PAPPA2: variants seen among roughly 807,000 people sequenced by gnomAD.
The protein encoded by PAPPA2 is pappalysin 2, also known as pappalysin-2.
A neutral mutation model predicts 176.4 loss-of-function variants in PAPPA2; 86 were observed. The observed-to-expected ratio is 0.49, with a 90% CI of 0.41 to 0.58. The LOEUF is 0.58. Among genes scored for constraint, PAPPA2 ranks in the 20% least tolerant of loss-of-function variants. The pLI is 0.00. For missense variants in PAPPA2, 2,073 were observed against 2,256.9 expected, an observed-to-expected ratio of 0.92 and a Z score of 1.65; for synonymous variants, 809 against 852.2, an observed-to-expected ratio of 0.95 and a Z score of 0.88.
chr1:176,834,324 A>G (rs1383542679), intron 21 of PAPPA2, among the ~76,000 whole-genome samples: 1 of 152,204 alleles, frequency 6.6e-6, no homozygotes, highest in Non-Finnish European at 1.5e-5. Flanking sequence ...CCATCTTGAT[A>G]TCTATCTATT....
chr1:176,768,391 A>G (rs185812159), intron 15 of PAPPA2, among the ~76,000 whole-genome samples: 5 of 152,206 alleles, frequency 3.3e-5, no homozygotes, highest in Non-Finnish European at 5.9e-5. Flanking sequence ...AGCATGCATT[A>G]TACAATATGG....
chr1:176,568,289 AT>A (rs751271982), intron 2 of PAPPA2, among the ~76,000 whole-genome samples: 1 of 152,248 alleles, frequency 6.6e-6, no homozygotes, highest in African/African-American at 2.4e-5. Flanking sequence ...CTCTAAAAAA[AT>A]CTATTGCATA....
At chr1:176,617,587 T>C (rs1655339549) in intron 3 of PAPPA2, among the ~76,000 whole-genome samples, 1 of 152,136 alleles carries the variant, frequency 6.6e-6, no homozygotes. Context: ...TAACTCCACC[T>C]AGGTTGCTGT....
At chr1:176,541,196 A>G (rs893431862) in intron 1 of PAPPA2, among the ~76,000 whole-genome samples, 11 of 152,214 alleles carry the variant, frequency 7.2e-5, no homozygotes, top group African/African-American at 2.7e-4. Context: ...TCTAACCACT[A>G]TTGAGGAGCA....
At chr1:176,772,850 C>CT (rs547059116) in intron 17 of PAPPA2, among the ~76,000 whole-genome samples, 273 of 152,240 alleles carry the variant, frequency 1.8e-3, no homozygotes, top group Middle Eastern at 3.4e-3. Flanking sequence ...TGTTTTCTTG[C>CT]TTTTTTTCTC....
intron 2 of PAPPA2, among the ~76,000 whole-genome samples, chr1:176,579,801 T>C (rs997098217): frequency 3.3e-5 from 5 of 152,208 alleles, no homozygotes; most frequent in Admixed American, 1.3e-4. Context: ...ATTCTCAGTT[T>C]TTTGGTCTGA....
intron 3 of PAPPA2, among the ~76,000 whole-genome samples, chr1:176,643,713 A>T (rs966965687): frequency 3.3e-5 from 5 of 151,872 alleles, no homozygotes; most frequent in African/African-American, 1.2e-4. Context: ...ACACAGGGAG[A>T]CCACAAAAGA....
intron 2 of PAPPA2, among the ~76,000 whole-genome samples, chr1:176,584,394 C>G (rs1165400749): frequency 6.7e-6 from 1 of 148,580 alleles, no homozygotes; most frequent in East Asian, 1.9e-4. Flanking sequence ...TTATATAATG[C>G]ATTTTTGTTT....
intron 4 of PAPPA2, among the ~76,000 whole-genome samples, chr1:176,687,800 A>G (rs1659917191): frequency 6.6e-6 from 1 of 151,858 alleles, no homozygotes; most frequent in East Asian, 1.9e-4. Context: ...GACATCTGGT[A>G]CTCCAGAGAT....
At chr1:176,745,933 C>G (rs777885006) in intron 14 of PAPPA2, among the ~76,000 whole-genome samples, 60 of 152,208 alleles carry the variant, frequency 3.9e-4, no homozygotes, top group Non-Finnish European at 7.2e-4. Flanking sequence ...CTGGAACTTT[C>G]TGGGAGTCTC....
intron 1 of PAPPA2, among the ~76,000 whole-genome samples, chr1:176,547,631 A>G (rs1335120234): frequency 5.3e-5 from 8 of 152,126 alleles, no homozygotes; most frequent in Non-Finnish European, 8.8e-5. Flanking sequence ...TCTCAACCTC[A>G]CTATTAACAT....
At chr1:176,758,655 A>G (rs1199778853) in intron 14 of PAPPA2, among the ~76,000 whole-genome samples, 4 of 152,204 alleles carry the variant, frequency 2.6e-5, no homozygotes, top group Admixed American at 2.6e-4. Context: ...CTGTTTCTAG[A>G]AAGACCTCTG....
rs988441798 is a variant in PAPPA2, at chr1:176,628,761, C to A, written c.1991+33166C>A. 3.9e-5 allele frequency among the ~76,000 whole-genome samples: 6 copies of A among 152,188 alleles called. No homozygotes were observed. The East Asian group carries it at 1.2e-3, about 29-fold the overall frequency. ...GTATTTGCCTTTTCATTTGCTTTAT[C>A]ATTTGGAATTGAAACTGTCTCTCAG... On this transcript the variant is annotated intron_variant, in intron 3 of 22. Coordinates refer to ENST00000367662, the MANE Select transcript of PAPPA2 (RefSeq NM_020318.3).
chr1:176,834,722 C>A (rs1964809), intron 21 of PAPPA2, among the ~76,000 whole-genome samples: 9,996 of 152,236 alleles, frequency 0.066, 383 homozygotes, highest in Non-Finnish European at 0.086. Context: ...GTAATCCCAG[C>A]ACTTTGGGAG....
chr1:176,711,979 AAAGT>A lies in PAPPA2; in HGVS notation c.3798+3_3798+6del. On this transcript the variant is annotated splice_donor_variant and coding_sequence_variant, in exon 12 of 23. Coordinates refer to ENST00000367662, the MANE Select transcript of PAPPA2 (RefSeq NM_020318.3). LOFTEE classifies it high-confidence loss of function. ...GAAGAAAGAGGATGAGGTTTGGCTC[AAAGT>A]AAGTGGCCCAAATGTTTCTTTTGTG... 1 of 1,610,316 alleles carries A rather than the reference AAAGT, an allele frequency of 6.2e-7. No individual in the cohort carries two copies. Among genetic ancestry groups the A allele is most frequent in the Non-Finnish European group, 8.5e-7 (1 of 1,176,784 alleles).
At chr1:176,532,600 G>C (rs1161679033) in intron 1 of PAPPA2, among the ~76,000 whole-genome samples, 1 of 152,146 alleles carries the variant, frequency 6.6e-6, no homozygotes, top group Non-Finnish European at 1.5e-5. Flanking sequence ...CCCTTCCTGG[G>C]TACTCACCTT....
At chr1:176,679,006 A>G (rs1410294386) in intron 4 of PAPPA2, among the ~76,000 whole-genome samples, 1 of 152,074 alleles carries the variant, frequency 6.6e-6, no homozygotes, top group Non-Finnish European at 1.5e-5. Context: ...ATTAGGTAAG[A>G]GTTGGAGGTC....
At chr1:176,702,360 A>T (rs961837232) in intron 8 of PAPPA2, among the ~76,000 whole-genome samples, 3 of 152,232 alleles carry the variant, frequency 2.0e-5, no homozygotes. Flanking sequence ...TTCAGTGTTA[A>T]CGCAGCAAGC....
chr1:176,792,407 T>A (rs1182993950), intron 19 of PAPPA2, among the ~76,000 whole-genome samples: 3 of 152,208 alleles, frequency 2.0e-5, no homozygotes, highest in Admixed American at 1.3e-4. Flanking sequence ...CTCATTGCCA[T>A]CTTCAAGGTG....
Sources: gnomAD v4.1 joint callset for allele counts (sites outside exome capture counted in the v4.1 genomes callset) on GRCh38, gnomAD v4.1.1 for gene constraint, MANE v1.5 for transcripts, NCBI Gene and HGNC (gene_info 2026-07-23, HGNC 2026-07-21) for gene names.